Variants in ANO3 observed in about 807,000 individuals in gnomAD.
The protein encoded by ANO3 is anoctamin 3, also known as anoctamin-3.
In ANO3, 99 loss-of-function variants were observed where a neutral mutation model predicts 144.8. The ratio of observed to expected loss-of-function variants is 0.68; its 90% CI spans 0.58 to 0.81. The LOEUF (loss-of-function observed/expected upper bound fraction) is 0.81, where lower values mean the gene tolerates loss of function less well. Among genes scored for constraint, ANO3 ranks in the 30% least tolerant of loss-of-function variants. The pLI is 0.00. For synonymous variants in ANO3, 414 were observed against 392.6 expected (o/e 1.05, Z -0.64); for missense variants, 905 against 1,202.2 (o/e 0.75, Z 3.66).
At chr11:26,368,142 G>A (rs1251943061) in intron 1 of ANO3, among the ~76,000 whole-genome samples, 1 of 152,174 alleles carries the variant, frequency 6.6e-6, no homozygotes, top group Non-Finnish European at 1.5e-5. Context: ...TCTCTCTCCA[G>A]ATGAAATCCT....
chr11:26,578,825 A>C (rs965088152), intron 14 of ANO3, among the ~76,000 whole-genome samples: 2 of 152,122 alleles, frequency 1.3e-5, no homozygotes, highest in Admixed American at 6.5e-5. Flanking sequence ...TCTTTCCAGC[A>C]CTCAAGTGAC....
intron 17 of ANO3, among the ~76,000 whole-genome samples, chr11:26,603,395 A>G (rs564571916): frequency 6.6e-6 from 1 of 152,176 alleles, no homozygotes; most frequent in Non-Finnish European, 1.5e-5. Flanking sequence ...AACCTTTTTT[A>G]AAATTAATTT....
At chr11:26,563,395 CTGTGTGTGTGTGTG>C (rs71047867) in intron 14 of ANO3, 57 of 539,914 alleles carry the variant, frequency 1.1e-4, no homozygotes, top group Admixed American at 1.9e-4. Flanking sequence ...GTTTCTCTCT[CTGTGTGTGTGTGTG>C]TGTGTGTGTG....
intron 1 of ANO3, among the ~76,000 whole-genome samples, chr11:26,355,789 AC>A (rs2133918274): frequency 1.3e-5 from 2 of 151,848 alleles, no homozygotes; most frequent in South Asian, 4.2e-4. Context: ...CGAACTTCTG[AC>A]CTCAGGTGAT....
intron 1 of ANO3, among the ~76,000 whole-genome samples, chr11:26,398,012 A>G (rs1857060213): frequency 8.8e-6 from 1 of 114,150 alleles, no homozygotes; most frequent in Non-Finnish European, 2.0e-5. Flanking sequence ...AGGATGGGCG[A>G]AAAAAAAAAA....
chr11:26,485,223 C>A (rs1403117036), intron 4 of ANO3, among the ~76,000 whole-genome samples: 1 of 152,120 alleles, frequency 6.6e-6, no homozygotes, highest in Non-Finnish European at 1.5e-5. Flanking sequence ...ATATGGTTTG[C>A]GTGTGTGTCT....
intron 1 of ANO3, among the ~76,000 whole-genome samples, chr11:26,288,443 A>T (rs1253034278): frequency 6.6e-6 from 1 of 152,174 alleles, no homozygotes; most frequent in Non-Finnish European, 1.5e-5. Flanking sequence ...ACAAATTATA[A>T]ATCTGGACTC....
At chr11:26,234,507 T>C (rs1852472497) in intron 1 of ANO3, among the ~76,000 whole-genome samples, 1 of 152,220 alleles carries the variant, frequency 6.6e-6, no homozygotes, top group Non-Finnish European at 1.5e-5. Context: ...CAAATTAAGA[T>C]GCTCGATTTA....
chr11:26,423,464 C>T lies in ANO3; in HGVS notation c.47-18454C>T, dbSNP rs534811180. 9.9e-4 allele frequency among the ~76,000 whole-genome samples: 150 copies of T among 151,344 alleles called. 2 individuals are homozygous for T. The South Asian group carries it at 0.019, about 19-fold the overall frequency. ...GTGATTGAATATCTGAATGAATAAACATTAGTCTTGAAAAAATAATTGATA... is the reference window on the plus strand; with the variant it reads ...GTGATTGAATATCTGAATGAATAAATATTAGTCTTGAAAAAATAATTGATA... On this transcript the variant is annotated intron_variant, in intron 1 of 26. Transcript: ENST00000256737.
chr11:26,402,943 G>T (rs183050727), intron 1 of ANO3, among the ~76,000 whole-genome samples: 1 of 150,836 alleles, frequency 6.6e-6, no homozygotes, highest in Non-Finnish European at 1.5e-5. Context: ...GCATCAATTC[G>T]CCAGCTCACC....
chr11:26,328,426 T>G (rs1854946344), upstream of ANO3, among the ~76,000 whole-genome samples: 3 of 152,198 alleles, frequency 2.0e-5, no homozygotes, highest in South Asian at 6.2e-4. Context: ...GAAGTATCAT[T>G]CACAATTCCA....
At chr11:26,290,793 G>A (rs759097796) in intron 1 of ANO3, among the ~76,000 whole-genome samples, 3 of 152,168 alleles carry the variant, frequency 2.0e-5, no homozygotes, top group Non-Finnish European at 4.4e-5. Context: ...TACAATTTCT[G>A]TTCTTTTACA....
intron 1 of ANO3, among the ~76,000 whole-genome samples, chr11:26,310,597 G>A (rs2133870252): frequency 6.6e-6 from 1 of 152,208 alleles, no homozygotes; most frequent in South Asian, 2.1e-4. Context: ...CCTTGATTCT[G>A]GCATAAATCT....
chr11:26,292,700 G>C (rs2133855109), intron 1 of ANO3, among the ~76,000 whole-genome samples: 1 of 152,296 alleles, frequency 6.6e-6, no homozygotes, highest in East Asian at 1.9e-4. Context: ...GGAGTTTGCT[G>C]AAGGTCCACT....
intron 14 of ANO3, among the ~76,000 whole-genome samples, chr11:26,583,490 G>A (rs138439172): frequency 5.7e-4 from 86 of 152,120 alleles, no homozygotes; most frequent in African/African-American, 1.9e-3. Flanking sequence ...AATACAGTTC[G>A]GTCCAAATGT....
At chr11:26,225,087 T>C (rs1331361157) in intron 1 of ANO3, among the ~76,000 whole-genome samples, 1 of 152,192 alleles carries the variant, frequency 6.6e-6, no homozygotes, top group Non-Finnish European at 1.5e-5. Context: ...TAGAGAGCCA[T>C]CTTAAATCTG....
At chr11:26,338,907 C>T (rs759341993) in intron 1 of ANO3, among the ~76,000 whole-genome samples, 8 of 152,220 alleles carry the variant, frequency 5.3e-5, no homozygotes, top group Admixed American at 1.3e-4. Context: ...CGGCTTCATT[C>T]TTGAAGTCAG....
chr11:26,331,046 T>C (rs1025440230), upstream of ANO3, among the ~76,000 whole-genome samples: 2 of 152,176 alleles, frequency 1.3e-5, no homozygotes, highest in Admixed American at 1.3e-4. Context: ...GAGATCCTAC[T>C]GAAAAATGTG....
chr11:26,386,482 A>G (rs1363663013), intron 1 of ANO3, among the ~76,000 whole-genome samples: 1 of 152,196 alleles, frequency 6.6e-6, no homozygotes, highest in Non-Finnish European at 1.5e-5. Context: ...AGACTAGTCA[A>G]TTACCAAATG....
Sources: allele counts gnomAD v4.1 joint callset (sites outside exome capture counted in the v4.1 genomes callset), GRCh38; gene constraint gnomAD v4.1.1; transcripts MANE v1.5; gene names NCBI Gene and HGNC (gene_info 2026-07-23, HGNC 2026-07-21).